ASTN2: variants seen among roughly 807,000 people sequenced by gnomAD.
The protein encoded by ASTN2 is astrotactin 2, also known as astrotactin-2.
A neutral mutation model predicts 139.8 loss-of-function variants in ASTN2; 54 were observed. The ratio of observed to expected loss-of-function variants is 0.39; its 90% CI spans 0.31 to 0.48. The LOEUF is 0.48. ASTN2 is among the 20% of genes least tolerant of loss of function. The pLI is 0.95. For synonymous variants in ASTN2, 756 were observed against 719.5 expected, an observed-to-expected ratio of 1.05 and a Z score of -0.81; for missense variants, 1,565 against 1,725.1, an observed-to-expected ratio of 0.91 and a Z score of 1.64.
At chr9:116,811,389 C>A (rs1831163607) in intron 12 of ASTN2, among the ~76,000 whole-genome samples, 1 of 152,150 alleles carries the variant, frequency 6.6e-6, no homozygotes, top group African/African-American at 2.4e-5. Flanking sequence ...TTTTCCATAT[C>A]CAAGTGTCAC....
chr9:116,693,076 A>G (rs1860654701), intron 16 of ASTN2, among the ~76,000 whole-genome samples: 1 of 152,154 alleles, frequency 6.6e-6, no homozygotes, highest in Non-Finnish European at 1.5e-5. Flanking sequence ...TCATGCTTTC[A>G]AAATGTAGTT....
intron 10 of ASTN2, among the ~76,000 whole-genome samples, chr9:116,888,421 T>C (rs757251943): frequency 1.4e-4 from 22 of 151,858 alleles, no homozygotes; most frequent in Non-Finnish European, 4.4e-5. Flanking sequence ...GCTCAATAAA[T>C]ATTCTCATTT....
intron 6 of ASTN2, among the ~76,000 whole-genome samples, chr9:117,008,931 C>T (rs550846545): frequency 4.1e-4 from 62 of 152,108 alleles, no homozygotes; most frequent in African/African-American, 1.1e-3. Context: ...ATAGAGAAAA[C>T]GGAGACAAAG....
chr9:116,945,182 G>C (rs984702125), intron 10 of ASTN2, among the ~76,000 whole-genome samples: 1 of 152,144 alleles, frequency 6.6e-6, no homozygotes, highest in African/African-American at 2.4e-5. Flanking sequence ...TAAGAGAAAG[G>C]TGAACTTTTC....
chr9:116,876,605 A>T (rs973889360), intron 10 of ASTN2, among the ~76,000 whole-genome samples: 4 of 152,220 alleles, frequency 2.6e-5, no homozygotes, highest in Non-Finnish European at 4.4e-5. Context: ...GTCTTATTTT[A>T]AGAAATTGCC....
intron 10 of ASTN2, among the ~76,000 whole-genome samples, chr9:116,963,119 T>C (rs1433130996): frequency 6.6e-6 from 1 of 152,212 alleles, no homozygotes; most frequent in African/African-American, 2.4e-5. Flanking sequence ...GGCAATGCCC[T>C]GACCCTTACA....
At chr9:116,811,876 A>G (rs915865410) in intron 12 of ASTN2, among the ~76,000 whole-genome samples, 1 of 152,172 alleles carries the variant, frequency 6.6e-6, no homozygotes, top group Non-Finnish European at 1.5e-5. Context: ...GCCTCTATCT[A>G]GATCCAGATT....
intron 19 of ASTN2, among the ~76,000 whole-genome samples, chr9:116,541,449 A>C (rs930822743): frequency 6.6e-6 from 1 of 152,206 alleles, no homozygotes; most frequent in Non-Finnish European, 1.5e-5. Flanking sequence ...CACATGGAAC[A>C]CTGGGCCCTT....
chr9:117,385,275 C>A (rs1332775698), intron 1 of ASTN2, among the ~76,000 whole-genome samples: 2 of 152,164 alleles, frequency 1.3e-5, no homozygotes, highest in Admixed American at 6.5e-5. Context: ...TAGGCATAAA[C>A]CACTGTGCCC....
intron 2 of ASTN2, among the ~76,000 whole-genome samples, chr9:117,253,528 G>C (rs1833597442): frequency 6.6e-6 from 1 of 151,332 alleles, no homozygotes; most frequent in African/African-American, 2.5e-5. Flanking sequence ...TGTGACAAAA[G>C]CAAGGGAGGG....
intron 11 of ASTN2, among the ~76,000 whole-genome samples, chr9:116,862,702 A>G (rs976749138): frequency 6.6e-6 from 1 of 152,068 alleles, no homozygotes. Context: ...GGCTGGAGAA[A>G]CTGAAAAGGG....
intron 16 of ASTN2, among the ~76,000 whole-genome samples, chr9:116,710,733 CAAAAAAAAAAAAAAA>C (rs57745448): frequency 0.025 from 1,790 of 72,714 alleles, 45 homozygotes; most frequent in African/African-American, 0.087. Context: ...AACTCCGTCT[CAAAAAAAAAAAAAAA>C]AAAAAAAAAG....
intron 10 of ASTN2, among the ~76,000 whole-genome samples, chr9:116,920,252 G>C (rs1834565328): frequency 6.6e-6 from 1 of 152,220 alleles, no homozygotes; most frequent in Admixed American, 6.5e-5. Context: ...TTCCCCAGTA[G>C]AGCTTCCAGG....
At chr9:116,558,124 C>T (rs568855397) in intron 19 of ASTN2, among the ~76,000 whole-genome samples, 1 of 152,270 alleles carries the variant, frequency 6.6e-6, no homozygotes, top group East Asian at 1.9e-4. Flanking sequence ...AGTCCCTGTC[C>T]ACACAGTACT....
At position 116,651,549 on chromosome 9, in the gene ASTN2, G is replaced by A. The variant is rs761365571; in HGVS notation, c.3051C>T (p.Ile1017=). 1.9e-6 allele frequency: 3 copies of A among 1,614,108 alleles called. No homozygotes were observed. The Admixed American group carries it at 5.0e-5, about 27-fold the overall frequency. ...TCACCTCCTTTGTGCCATTGTCTTG[G>A]ATGAGGGTATAAAGTGGCACCACAC... ...INRVVPLYTL[I]QDNGTKEAFK... Residue 1017 remains isoleucine (I), a synonymous_variant, in exon 17 of 23, where the codon ATC becomes ATT. Coordinates refer to ENST00000313400, the MANE Select transcript of ASTN2 (RefSeq NM_001365068.1).
chr9:117,283,781 C>T (rs1834382859), intron 2 of ASTN2, among the ~76,000 whole-genome samples: 1 of 152,190 alleles, frequency 6.6e-6, no homozygotes. Context: ...AACAGCTTGG[C>T]TTCTCCTACC....
At chr9:116,646,896 C>G (rs1047445755) in intron 17 of ASTN2, among the ~76,000 whole-genome samples, 3 of 152,204 alleles carry the variant, frequency 2.0e-5, no homozygotes, top group Admixed American at 6.5e-5. Flanking sequence ...GACTTCTCTT[C>G]AGCATTGTCC....
intron 13 of ASTN2, among the ~76,000 whole-genome samples, chr9:116,778,728 A>C (rs376932170): frequency 6.6e-6 from 1 of 152,190 alleles, no homozygotes; most frequent in African/African-American, 2.4e-5. Context: ...ATTAACTCAG[A>C]ATTCTAGAAT....
At chr9:116,909,906 G>A (rs1359634672) in intron 10 of ASTN2, among the ~76,000 whole-genome samples, 4 of 152,192 alleles carry the variant, frequency 2.6e-5, no homozygotes, top group Admixed American at 2.0e-4. Flanking sequence ...CATCAACGAC[G>A]AGATTTTATA....
Sources: allele counts gnomAD v4.1 joint callset (sites outside exome capture counted in the v4.1 genomes callset), GRCh38; gene constraint gnomAD v4.1.1; transcripts MANE v1.5; gene names NCBI Gene and HGNC (gene_info 2026-07-23, HGNC 2026-07-21).